KPNA3: variants seen among roughly 807,000 people sequenced by gnomAD.
KPNA3 encodes the protein importin subunit alpha-4.
In KPNA3, 13 loss-of-function variants were observed where a neutral mutation model predicts 73.8. That is an observed-to-expected ratio of 0.18 (90% CI 0.11 to 0.28). The LOEUF (loss-of-function observed/expected upper bound fraction) is 0.28, where lower values mean the gene tolerates loss of function less well. Among genes scored for constraint, KPNA3 ranks in the 10% least tolerant of loss-of-function variants. The probability of loss-of-function intolerance (pLI) is 1.00; values close to 1 mark genes in which losing one functional copy is unlikely to be tolerated. For missense variants in KPNA3, 360 were observed against 618.1 expected (o/e 0.58, Z 4.43); for synonymous variants, 186 against 206.9 (o/e 0.90, Z 0.87).
chr13:49,790,016 C>G (rs1955019545), intron 1 of KPNA3, among the ~76,000 whole-genome samples: 2 of 152,138 alleles, frequency 1.3e-5, no homozygotes, highest in African/African-American at 2.4e-5. Context: ...AATTATCACC[C>G]CCACTGGACT....
Position 49,703,758 on chromosome 13 carries a change from G to GT in KPNA3, c.1373-1279dup, listed in dbSNP as rs558756981. 3.9e-5 allele frequency among the ~76,000 whole-genome samples: 6 copies of GT among 152,082 alleles called. No homozygotes were observed. The South Asian group carries it at 1.2e-3, about 32-fold the overall frequency. ...TATTTACTCCACACATCATATACAT[G>GT]TTTATCAATTTCACACCTTAATATT... On this transcript the variant is annotated intron_variant, in intron 15 of 16. Transcript: ENST00000261667.
At chr13:49,772,451 C>T (rs899137563) in intron 1 of KPNA3, among the ~76,000 whole-genome samples, 1 of 152,166 alleles carries the variant, frequency 6.6e-6, no homozygotes, top group African/African-American at 2.4e-5. Context: ...TTAGAATTCT[C>T]GCACTGTTGG....
intron 9 of KPNA3, 51 bp downstream of exon 9, chr13:49,721,904 G>A: frequency 1.6e-6 from 2 of 1,275,906 alleles, no homozygotes; most frequent in South Asian, 2.0e-5. Flanking sequence ...AATTCCTGAA[G>A]TACAAACATA....
chr13:49,776,959 A>C (rs564856208), intron 1 of KPNA3, among the ~76,000 whole-genome samples: 1 of 152,346 alleles, frequency 6.6e-6, no homozygotes, highest in Non-Finnish European at 1.5e-5. Flanking sequence ...GCTGAGGTTA[A>C]CACTGTATAA....
chr13:49,705,282 T>C (rs1954196034), intron 15 of KPNA3, among the ~76,000 whole-genome samples: 1 of 150,564 alleles, frequency 6.6e-6, no homozygotes, highest in Non-Finnish European at 1.5e-5. Flanking sequence ...TTGCTTGAAC[T>C]CGGGAGGCAG....
In KPNA3 at chr13:49,768,962, C is replaced by T. The variant is rs991889514; in HGVS notation, c.70-21969G>A. Among the ~76,000 whole-genome samples the T allele has an allele frequency of 2.6e-5, 4 of 152,098 alleles. No homozygotes were observed. In the East Asian group the frequency reaches 5.8e-4, roughly 22 times the overall value. Reference sequence around the variant, plus strand: ...CAAATAAGGTTGTGGTATTCTTCACCAAGTAGCAGGAGGATTACAGAGCAC... The same window carrying T: ...CAAATAAGGTTGTGGTATTCTTCACTAAGTAGCAGGAGGATTACAGAGCAC... On this transcript the variant is annotated intron_variant, in intron 1 of 16. Coordinates refer to ENST00000261667, the MANE Select transcript of KPNA3 (RefSeq NM_002267.4).
Position 49,718,006 on chromosome 13 carries a change from T to C in KPNA3, c.771+1769A>G, listed in dbSNP as rs529801216. On this transcript the variant is annotated intron_variant, in intron 10 of 16. Transcript: ENST00000261667. ...CTTATGGTATGATTTTTTTTTTCACTGTGAGCCTATGGATTATACTGAATA... is the reference window on the plus strand; with the variant it reads ...CTTATGGTATGATTTTTTTTTTCACCGTGAGCCTATGGATTATACTGAATA... 3.9e-5 allele frequency among the ~76,000 whole-genome samples: 6 copies of C among 152,314 alleles called. No individual in the cohort carries two copies. The East Asian group carries it at 1.2e-3, about 29-fold the overall frequency.
At chr13:49,702,814 G>A (rs565605004) in intron 15 of KPNA3, among the ~76,000 whole-genome samples, 2 of 152,296 alleles carry the variant, frequency 1.3e-5, no homozygotes, top group East Asian at 3.9e-4. Context: ...TGGCAAGTTT[G>A]TGACAGTACT....
chr13:49,739,162 A>AT (rs1410753386), intron 2 of KPNA3, among the ~76,000 whole-genome samples: 4 of 152,170 alleles, frequency 2.6e-5, no homozygotes, highest in African/African-American at 4.8e-5. Flanking sequence ...ACTTGGGTGG[A>AT]TTTTTTCTTT....
chr13:49,782,856 T>C (rs1022807222), intron 1 of KPNA3, among the ~76,000 whole-genome samples: 2 of 151,454 alleles, frequency 1.3e-5, no homozygotes, highest in African/African-American at 4.9e-5. Context: ...AGCAAGACCC[T>C]GTCTCAAAGA....
At chr13:49,729,130 T>C (rs1954438150) in intron 6 of KPNA3, among the ~76,000 whole-genome samples, 1 of 152,248 alleles carries the variant, frequency 6.6e-6, no homozygotes. Context: ...ATATATTTAT[T>C]ATCTTTCATA....
intron 6 of KPNA3, among the ~76,000 whole-genome samples, chr13:49,726,436 G>T (rs1954409918): frequency 6.6e-6 from 1 of 152,186 alleles, no homozygotes; most frequent in African/African-American, 2.4e-5. Flanking sequence ...ATCATGATGT[G>T]TAGGAACGAC....
At chr13:49,787,105 G>C (rs1004787010) in intron 1 of KPNA3, among the ~76,000 whole-genome samples, 1 of 152,320 alleles carries the variant, frequency 6.6e-6, no homozygotes, top group Admixed American at 6.5e-5. Flanking sequence ...TAGCACTGGA[G>C]GTTCCAGAGA....
In KPNA3 at chr13:49,771,313, TTC is replaced by T. The variant is rs1426333311; in HGVS notation, c.69+21123_69+21124del. On this transcript the variant is annotated intron_variant, in intron 1 of 16. Transcript: ENST00000261667. ...AATATATTTCCATTTACTTAGATCTTTCTTTCAATGAAGTTGTAGTTTTCAGC... is the reference window on the plus strand; with the variant it reads ...AATATATTTCCATTTACTTAGATCTTTTTCAATGAAGTTGTAGTTTTCAGC... Among the ~76,000 whole-genome samples the T allele has an allele frequency of 2.0e-5, 3 of 152,226 alleles. No individual in the cohort carries two copies. The East Asian group carries it at 5.8e-4, about 29-fold the overall frequency.
At position 49,792,567 on chromosome 13, in the gene KPNA3, T is replaced by TGGCGAC; in HGVS notation, c.-62_-61insGTCGCC. 1.7e-6 allele frequency: 1 copy of TGGCGAC among 591,864 alleles called. No homozygotes were observed. Among genetic ancestry groups the TGGCGAC allele is most frequent in the Non-Finnish European group, 2.6e-6 (1 of 386,356 alleles). 36.7% of individuals were successfully genotyped at this position (591,864 alleles called of 1,614,324 possible). ...GCTGCGGCGGCGGCGGCGGCGAATC[T>TGGCGAC]TGGAGCGGGAGGGGGAGGAGGGGGA... On this transcript the variant is annotated 5_prime_UTR_variant, in exon 1 of 17. Transcript: ENST00000261667.
At chr13:49,769,801 T>TG (rs1236488537) in intron 1 of KPNA3, among the ~76,000 whole-genome samples, 2 of 152,216 alleles carry the variant, frequency 1.3e-5, no homozygotes, top group African/African-American at 4.8e-5. Context: ...CTAGGTGATA[T>TG]GGGAACTCTA....
At chr13:49,792,402 C>G in intron 1 of KPNA3, 36 bp downstream of exon 1, 1 of 1,478,676 alleles carries the variant, frequency 6.8e-7, no homozygotes, top group Non-Finnish European at 9.1e-7. Flanking sequence ...CGGGCCGGCG[C>G]GGCCAGGCGG....
At chr13:49,715,408 T>A (rs1295474016) in intron 10 of KPNA3, among the ~76,000 whole-genome samples, 1 of 152,160 alleles carries the variant, frequency 6.6e-6, no homozygotes, top group Non-Finnish European at 1.5e-5. Context: ...AATGAAATAA[T>A]GTTCAACGTC....
intron 2 of KPNA3, among the ~76,000 whole-genome samples, chr13:49,740,294 TTG>T (rs1210303841): frequency 6.6e-6 from 1 of 152,146 alleles, no homozygotes; most frequent in Admixed American, 6.6e-5. Context: ...CATTTCATTT[TTG>T]TGTGTGTGGT....
Sources: allele counts gnomAD v4.1 joint callset (sites outside exome capture counted in the v4.1 genomes callset), GRCh38; gene constraint gnomAD v4.1.1; transcripts MANE v1.5; gene names NCBI Gene and HGNC (gene_info 2026-07-23, HGNC 2026-07-21).